The following NRCAM variants were observed in gnomAD, a reference collection of about 807,000 sequenced individuals.
NRCAM encodes NgCAM-related cell adhesion molecule.
NRCAM carries 83 observed loss-of-function variants against 156.5 expected under a neutral mutation model. The observed-to-expected ratio is 0.53, with a 90% CI of 0.44 to 0.64. NRCAM has a LOEUF of 0.64. NRCAM is among the 30% of genes least tolerant of loss of function. The pLI is 0.00. For missense variants in NRCAM, 1,417 were observed against 1,597.3 expected (o/e 0.89, Z 1.92); for synonymous variants, 538 against 563.9 (o/e 0.95, Z 0.65).
intron 2 of NRCAM, among the ~76,000 whole-genome samples, chr7:108,397,240 T>C (rs1421611451): frequency 6.6e-6 from 1 of 152,188 alleles, no homozygotes; most frequent in Non-Finnish European, 1.5e-5. Context: ...AAGTGACAGA[T>C]TCGTGGACCT....
chr7:108,172,341 C>A (rs1037467758), intron 28 of NRCAM, among the ~76,000 whole-genome samples: 1 of 152,046 alleles, frequency 6.6e-6, no homozygotes, highest in Non-Finnish European at 1.5e-5. Flanking sequence ...TGCAGTGGTG[C>A]AATCTTGGCT....
chr7:108,425,645 G>A (rs1816259452), intron 1 of NRCAM, among the ~76,000 whole-genome samples: 1 of 152,178 alleles, frequency 6.6e-6, no homozygotes, highest in African/African-American at 2.4e-5. Context: ...CCACCGAACA[G>A]ATCCAAATTC....
intron 3 of NRCAM, among the ~76,000 whole-genome samples, chr7:108,289,987 T>A (rs114411125): frequency 4.6e-5 from 7 of 152,098 alleles, no homozygotes; most frequent in Non-Finnish European, 1.0e-4. Flanking sequence ...AAGAAGCCCA[T>A]GAAGAGAAAG....
chr7:108,406,953 T>C (rs1158294895), intron 1 of NRCAM, among the ~76,000 whole-genome samples: 2 of 152,210 alleles, frequency 1.3e-5, no homozygotes, highest in African/African-American at 4.8e-5. Flanking sequence ...GGTTTCATTT[T>C]TAGGTGGGGA....
chr7:108,278,153 T>C (rs528582321), intron 3 of NRCAM, among the ~76,000 whole-genome samples: 8 of 152,204 alleles, frequency 5.3e-5, no homozygotes, highest in Admixed American at 5.2e-4. Context: ...TGTTTGTCAG[T>C]CCCTACTGGG....
At position 108,256,159 on chromosome 7, in the gene NRCAM, C is replaced by T. The variant is rs867396109; in HGVS notation, c.-106-15989G>A. 9.7e-4 allele frequency among the ~76,000 whole-genome samples: 148 copies of T among 152,208 alleles called. 1 individual carries two copies. The Middle Eastern group carries it at 0.014, about 14-fold the overall frequency. ...GCTCATTGAGAACGGGCCATGATGACGGTGGTGGTTTTGTTGAATAGAAAA... is the reference window on the plus strand; with the variant it reads ...GCTCATTGAGAACGGGCCATGATGATGGTGGTGGTTTTGTTGAATAGAAAA... On this transcript the variant is annotated intron_variant, in intron 3 of 32. Transcript: ENST00000379028.
chr7:108,284,895 A>T (rs1269688), intron 3 of NRCAM, among the ~76,000 whole-genome samples: 1 of 152,218 alleles, frequency 6.6e-6, no homozygotes. Context: ...TAGCACAGCT[A>T]CTGGCACATA....
chr7:108,291,601 C>T (rs1439347888), intron 3 of NRCAM, among the ~76,000 whole-genome samples: 1 of 152,060 alleles, frequency 6.6e-6, no homozygotes, highest in African/African-American at 2.4e-5. Flanking sequence ...CTTAATGCAT[C>T]TAAATGAAGA....
At chr7:108,260,320 G>A (rs1330906999) in intron 3 of NRCAM, among the ~76,000 whole-genome samples, 3 of 152,186 alleles carry the variant, frequency 2.0e-5, no homozygotes, top group Non-Finnish European at 2.9e-5. Context: ...CACAGTGCCA[G>A]AGTCAGTGCC....
intron 1 of NRCAM, among the ~76,000 whole-genome samples, chr7:108,422,074 A>G (rs1000235429): frequency 2.0e-5 from 3 of 152,160 alleles, no homozygotes; most frequent in Non-Finnish European, 4.4e-5. Context: ...CATTTCATTG[A>G]TAACACCTCC....
intron 1 of NRCAM, among the ~76,000 whole-genome samples, chr7:108,408,384 A>G (rs921489097): frequency 1.3e-5 from 2 of 152,162 alleles, no homozygotes; most frequent in African/African-American, 4.8e-5. Context: ...TTGTGGCCCT[A>G]TTTGGTGGTC....
At chr7:108,336,898 A>C (rs1332704176) in intron 2 of NRCAM, among the ~76,000 whole-genome samples, 1 of 152,228 alleles carries the variant, frequency 6.6e-6, no homozygotes, top group Non-Finnish European at 1.5e-5. Context: ...AAAATTCTTA[A>C]GAGTTCTTCC....
At chr7:108,415,794 G>A (rs2154425694) in intron 1 of NRCAM, among the ~76,000 whole-genome samples, 1 of 152,274 alleles carries the variant, frequency 6.6e-6, no homozygotes, top group African/African-American at 2.4e-5. Flanking sequence ...AGGCAGGACA[G>A]TCACTAGAAC....
intron 3 of NRCAM, among the ~76,000 whole-genome samples, chr7:108,301,153 T>G (rs945592213): frequency 6.6e-6 from 1 of 152,184 alleles, no homozygotes; most frequent in African/African-American, 2.4e-5. Context: ...AAGAATTCTA[T>G]ATAATTTGAA....
chr7:108,333,116 T>G (rs2099143721), intron 2 of NRCAM, among the ~76,000 whole-genome samples: 1 of 152,144 alleles, frequency 6.6e-6, no homozygotes, highest in African/African-American at 2.4e-5. Flanking sequence ...AGCAAATAAT[T>G]TCCATTTATA....
At chr7:108,393,485 A>G (rs1394897058) in intron 2 of NRCAM, among the ~76,000 whole-genome samples, 1 of 152,172 alleles carries the variant, frequency 6.6e-6, no homozygotes, top group Non-Finnish European at 1.5e-5. Context: ...CATCTGTCAC[A>G]GATTCCCTTG....
intron 1 of NRCAM, among the ~76,000 whole-genome samples, chr7:108,437,908 A>G (rs1834108439): frequency 6.6e-6 from 1 of 152,004 alleles, no homozygotes; most frequent in Non-Finnish European, 1.5e-5. Flanking sequence ...GTAAAGTAAA[A>G]TAAGATGCAC....
intron 3 of NRCAM, among the ~76,000 whole-genome samples, chr7:108,243,840 A>T (rs1447728224): frequency 6.6e-6 from 1 of 152,220 alleles, no homozygotes; most frequent in Non-Finnish European, 1.5e-5. Context: ...AACCTGTGAA[A>T]CAGAAGGGGG....
chr7:108,272,459 A>G lies in NRCAM; in HGVS notation c.-106-32289T>C, dbSNP rs993316515. 2.0e-5 allele frequency among the ~76,000 whole-genome samples: 3 copies of G among 152,188 alleles called. 1 individual carries two copies. Among genetic ancestry groups the G allele is most frequent in the Admixed American group, 2.0e-4 (3 of 15,282 alleles). ...CTGAAAAATGCAAGTTTTGATGACAAACCTGACCAGTTGACGATCTTTATT... is the reference window on the plus strand; with the variant it reads ...CTGAAAAATGCAAGTTTTGATGACAGACCTGACCAGTTGACGATCTTTATT... On this transcript the variant is annotated intron_variant, in intron 3 of 32. Coordinates refer to ENST00000379028, the MANE Select transcript of NRCAM (RefSeq NM_001037132.4).
Sources: gnomAD v4.1 joint callset for allele counts (sites outside exome capture counted in the v4.1 genomes callset) on GRCh38, gnomAD v4.1.1 for gene constraint, MANE v1.5 for transcripts, NCBI Gene and HGNC (gene_info 2026-07-23, HGNC 2026-07-21) for gene names.